The following IL1RAPL2 variants were observed in gnomAD, a reference collection of about 807,000 sequenced individuals.
The protein encoded by IL1RAPL2 is interleukin 1 receptor accessory protein like 2.
IL1RAPL2 carries 3 observed loss-of-function variants against 44.1 expected under a neutral mutation model. That is an observed-to-expected ratio of 0.07 (90% CI 0.03 to 0.18). IL1RAPL2 has a LOEUF of 0.18. Among genes scored for constraint, IL1RAPL2 ranks in the 10% least tolerant of loss-of-function variants. IL1RAPL2 has a pLI of 1.00. For missense variants in IL1RAPL2, 391 were observed against 496.4 expected, an observed-to-expected ratio of 0.79 and a Z score of 2.02; for synonymous variants, 181 against 178.8, an observed-to-expected ratio of 1.01 and a Z score of -0.10.
chrX:104,723,255 CACT>C (rs1314098582), intron 2 of IL1RAPL2, among the ~76,000 whole-genome samples: 1 of 111,422 alleles, frequency 9.0e-6, no homozygotes, highest in African/African-American at 3.3e-5. Context: ...GAAGTATCAC[CACT>C]GATTGTAGAA....
Position 105,333,214 on chromosome X carries a change from C to T in IL1RAPL2, c.697+65673C>T, listed in dbSNP as rs139158424. Among the ~76,000 whole-genome samples, 83 of 111,247 alleles carry T rather than the reference C, an allele frequency of 7.5e-4. 1 individual carries two copies. The highest frequency in any genetic ancestry group is 4.6e-3 in the Middle Eastern group (1 of 218). ...TAAAGAACCCAGAAACAATTCCACA[C>T]GCCTACAGTGAACTTATTTTCAACA... On this transcript the variant is annotated intron_variant, in intron 5 of 10. Transcript: ENST00000372582.
chrX:105,702,515 TAAC>T (rs1383409083), intron 6 of IL1RAPL2, among the ~76,000 whole-genome samples: 8 of 111,840 alleles, frequency 7.2e-5, no homozygotes, highest in African/African-American at 2.6e-4. Flanking sequence ...GCAATAAAAA[TAAC>T]AACCCCTCAT....
intron 2 of IL1RAPL2, among the ~76,000 whole-genome samples, chrX:105,062,602 T>A (rs2032088903): frequency 8.9e-6 from 1 of 111,815 alleles, no homozygotes. Flanking sequence ...CCCTTTAGTA[T>A]TTCTTGTAGG....
At chrX:105,696,208 A>T (rs190376451) in intron 6 of IL1RAPL2, among the ~76,000 whole-genome samples, 1 of 112,430 alleles carries the variant, frequency 8.9e-6, no homozygotes, top group East Asian at 2.8e-4. Context: ...ATCATAGATG[A>T]CTGAATAAAA....
At chrX:105,500,372 G>A (rs2036385472) in intron 6 of IL1RAPL2, among the ~76,000 whole-genome samples, 1 of 110,270 alleles carries the variant, frequency 9.1e-6, no homozygotes, top group African/African-American at 3.3e-5. Context: ...ATACAAAACA[G>A]TTGGTGAGAA....
At chrX:105,711,072 C>A (rs1053329617) in intron 6 of IL1RAPL2, among the ~76,000 whole-genome samples, 1 of 108,696 alleles carries the variant, frequency 9.2e-6, no homozygotes, top group African/African-American at 3.3e-5. Context: ...ATGTTTCTCT[C>A]CCTCTCAGTG....
chrX:104,674,215 G>C (rs1930687783), intron 2 of IL1RAPL2, among the ~76,000 whole-genome samples: 1 of 111,995 alleles, frequency 8.9e-6, no homozygotes, highest in Admixed American at 9.5e-5. Flanking sequence ...TGCCCATTCA[G>C]TATGATATCG....
At chrX:105,325,617 G>C (rs1403774755) in intron 5 of IL1RAPL2, among the ~76,000 whole-genome samples, 1 of 101,636 alleles carries the variant, frequency 9.8e-6, no homozygotes, top group Non-Finnish European at 1.9e-5. Flanking sequence ...TAGGTAATAT[G>C]ACAGCTCTAT....
intron 6 of IL1RAPL2, among the ~76,000 whole-genome samples, chrX:105,714,170 T>C (rs769551619): frequency 8.9e-6 from 1 of 111,776 alleles, no homozygotes; most frequent in Non-Finnish European, 1.9e-5. Context: ...TGATACCTCA[T>C]CACAGTTGCC....
intron 6 of IL1RAPL2, among the ~76,000 whole-genome samples, chrX:105,500,208 G>A (rs2036383626): frequency 9.0e-6 from 1 of 110,843 alleles, no homozygotes; most frequent in Admixed American, 9.6e-5. Flanking sequence ...TGTTCAATGG[G>A]TATAGAGTTT....
At chrX:105,537,706 G>C (rs1338051738) in intron 6 of IL1RAPL2, among the ~76,000 whole-genome samples, 2 of 111,296 alleles carry the variant, frequency 1.8e-5, no homozygotes, top group Non-Finnish European at 3.8e-5. Flanking sequence ...GGAGATAATA[G>C]CATTTACCTG....
At chrX:104,804,868 A>C (rs191474058) in intron 2 of IL1RAPL2, among the ~76,000 whole-genome samples, 4 of 112,552 alleles carry the variant, frequency 3.6e-5, no homozygotes, top group Non-Finnish European at 7.5e-5. Context: ...TTGGAGTGAC[A>C]AGATCTGAAA....
At chrX:105,617,014 G>A (rs1223606668) in intron 6 of IL1RAPL2, among the ~76,000 whole-genome samples, 1 of 109,901 alleles carries the variant, frequency 9.1e-6, no homozygotes, top group Non-Finnish European at 1.9e-5. Context: ...TACATAAAAT[G>A]GGGATAATTT....
intron 5 of IL1RAPL2, among the ~76,000 whole-genome samples, chrX:105,449,148 A>C (rs1422951136): frequency 1.8e-5 from 2 of 111,310 alleles, no homozygotes; most frequent in Non-Finnish European, 3.8e-5. Flanking sequence ...TTAAGTATTT[A>C]TTGTAATCTT....
At chrX:105,002,663 T>C (rs542814272) in intron 2 of IL1RAPL2, among the ~76,000 whole-genome samples, 2 of 110,589 alleles carry the variant, frequency 1.8e-5, no homozygotes, top group South Asian at 7.7e-4. Flanking sequence ...GGAATGTCAG[T>C]AGCCATTATC....
intron 6 of IL1RAPL2, among the ~76,000 whole-genome samples, chrX:105,578,706 T>C (rs895572131): frequency 2.7e-5 from 3 of 111,661 alleles, no homozygotes; most frequent in African/African-American, 9.8e-5. Flanking sequence ...GCTCATACTG[T>C]TCCTATCAGT....
intron 6 of IL1RAPL2, among the ~76,000 whole-genome samples, chrX:105,610,652 T>C (rs1490020138): frequency 8.9e-6 from 1 of 112,057 alleles, no homozygotes; most frequent in African/African-American, 3.2e-5. Context: ...CCTAGTCACA[T>C]CACAGCCATC....
intron 8 of IL1RAPL2, among the ~76,000 whole-genome samples, chrX:105,748,468 A>G (rs2038568923): frequency 8.9e-6 from 1 of 112,633 alleles, no homozygotes; most frequent in Non-Finnish European, 1.9e-5. Flanking sequence ...TAAATGAAAC[A>G]GTTAAATCCT....
intron 2 of IL1RAPL2, among the ~76,000 whole-genome samples, chrX:105,074,164 T>C (rs2032252990): frequency 8.9e-6 from 1 of 112,100 alleles, no homozygotes; most frequent in African/African-American, 3.3e-5. Flanking sequence ...CTAGGGTTTT[T>C]ATGGTTTTAG....
Sources: allele counts gnomAD v4.1 joint callset (sites outside exome capture counted in the v4.1 genomes callset), GRCh38; gene constraint gnomAD v4.1.1; transcripts MANE v1.5; gene names NCBI Gene and HGNC (gene_info 2026-07-23, HGNC 2026-07-21).